The following PIAS1 variants were observed in gnomAD, a reference collection of about 807,000 sequenced individuals.
The protein encoded by PIAS1 is protein inhibitor of activated STAT 1.
A neutral mutation model predicts 71.3 loss-of-function variants in PIAS1; 6 were observed. That is an observed-to-expected ratio of 0.08 (90% CI 0.05 to 0.17). The LOEUF (loss-of-function observed/expected upper bound fraction) is 0.17, where lower values mean the gene tolerates loss of function less well. Ranked by LOEUF, PIAS1 falls within the 10% of genes least tolerant of loss-of-function variation. The probability of loss-of-function intolerance (pLI) is 1.00; values close to 1 mark genes in which losing one functional copy is unlikely to be tolerated. For synonymous variants in PIAS1, 303 were observed against 292.9 expected (o/e 1.03, Z -0.35); for missense variants, 555 against 793.6 (o/e 0.70, Z 3.61).
intron 2 of PIAS1, among the ~76,000 whole-genome samples, chr15:68,127,507 G>C (rs892252056): frequency 1.3e-5 from 2 of 152,124 alleles, no homozygotes; most frequent in African/African-American, 4.8e-5. Flanking sequence ...GCTAGTTGAG[G>C]ATGCGTTTTT....
At chr15:68,063,756 A>G (rs1437862927) in intron 1 of PIAS1, among the ~76,000 whole-genome samples, 1 of 152,176 alleles carries the variant, frequency 6.6e-6, no homozygotes, top group Non-Finnish European at 1.5e-5. Flanking sequence ...AGGGTTCTCC[A>G]GGTCAAAATG....
At chr15:68,155,141 C>A (rs2092878570) in intron 7 of PIAS1, among the ~76,000 whole-genome samples, 1 of 152,110 alleles carries the variant, frequency 6.6e-6, no homozygotes. Flanking sequence ...CCGCTTGTAG[C>A]TATAGCACCA....
intron 6 of PIAS1, among the ~76,000 whole-genome samples, chr15:68,151,705 C>CAA (rs1312036290): frequency 2.0e-4 from 22 of 108,180 alleles, no homozygotes; most frequent in African/African-American, 7.1e-4. Context: ...CACACACACA[C>CAA]ACAAATTAGC....
intron 13 of PIAS1, chr15:68,184,557 G>T (rs1428573646): frequency 6.6e-6 from 1 of 152,214 alleles, no homozygotes; most frequent in African/African-American, 2.4e-5. Context: ...CTAGCTCCGG[G>T]TGGTTTAAAC....
At chr15:68,183,498 A>G in intron 12 of PIAS1, 132 bp from the exon 13 acceptor site, 1 of 581,614 alleles carries the variant, frequency 1.7e-6, no homozygotes, top group Non-Finnish European at 3.2e-6. Flanking sequence ...CGTTTAGCTC[A>G]ACTCTTCATG....
At chr15:68,180,594 G>T (rs995308902) in intron 11 of PIAS1, among the ~76,000 whole-genome samples, 3 of 137,600 alleles carry the variant, frequency 2.2e-5, no homozygotes, top group Non-Finnish European at 3.1e-5. Flanking sequence ...ATTCGTTTTG[G>T]AGTATTTCTT....
rs74020055 is a variant in PIAS1 at position 68,145,126 on chromosome 15, T to C, written c.603-690T>C. Among the ~76,000 whole-genome samples the C allele has an allele frequency of 4.4e-3, 675 of 152,318 alleles. 6 individuals carry two copies. The highest frequency in any genetic ancestry group is 0.015 in the African/African-American group (622 of 41,586). On this transcript the variant is annotated intron_variant, in intron 4 of 13. Transcript: ENST00000249636. ...GAATAGACTGAGAATTTATGAATTA[T>C]GTATCTTTCCTTGATTTTTCCAAAA...
chr15:68,111,816 G>T lies in PIAS1; in HGVS notation c.469+25066G>T, dbSNP rs2092525179. 2.6e-5 allele frequency among the ~76,000 whole-genome samples: 4 copies of T among 152,068 alleles called. No homozygotes were observed. The South Asian group carries it at 8.3e-4, about 31-fold the overall frequency. ...AACTAAGGGGGAATATTTGAAATAT[G>T]ACCATAGTACATATTTTAATATAGA... On this transcript the variant is annotated intron_variant, in intron 2 of 13. Coordinates refer to ENST00000249636, the MANE Select transcript of PIAS1 (RefSeq NM_016166.3).
Position 68,187,248 on chromosome 15 carries a change from C to T in PIAS1, c.1663-294C>T, listed in dbSNP as rs2093093861. Among the ~76,000 whole-genome samples the T allele has an allele frequency of 6.6e-6, 1 of 152,156 alleles. No individual in the cohort carries two copies. Among genetic ancestry groups the T allele is most frequent in the Non-Finnish European group, 1.5e-5 (1 of 68,030 alleles). ...GTCTGCCCCTCCTGCTGCTTCTGAG[C>T]ATATGCTTCTTGGGAAATAGAATTG... On this transcript the variant is annotated intron_variant, in intron 13 of 13. Coordinates refer to ENST00000249636, the MANE Select transcript of PIAS1 (RefSeq NM_016166.3). This position sits in a 1 kb window ranked among gnomAD's most constrained non-coding sequence, Gnocchi z 5.3.
At chr15:68,164,706 T>TTTC in intron 7 of PIAS1, 25 bp from the exon 8 acceptor site, 1 of 1,432,010 alleles carries the variant, frequency 7.0e-7, no homozygotes, top group South Asian at 1.2e-5. Flanking sequence ...GTTTGCTTTT[T>TTTC]TTCTTCTTCT....
intron 2 of PIAS1, among the ~76,000 whole-genome samples, chr15:68,135,121 C>T (rs1317043877): frequency 3.3e-3 from 69 of 20,976 alleles, no homozygotes; most frequent in Non-Finnish European, 6.0e-3. Context: ...CCCTCCCGGA[C>T]GGGGCGGCTG....
chr15:68,165,734 G>C lies in PIAS1; in HGVS notation c.1008+930G>C, dbSNP rs565957120. On this transcript the variant is annotated intron_variant, in intron 8 of 13. Transcript: ENST00000249636. ...TAATCTGATGTTAGGCTCTTTGGTA[G>C]GGGTGGTGGTTGAATATGGCCATAT... 1.1e-4 allele frequency among the ~76,000 whole-genome samples: 16 copies of C among 152,312 alleles called. No homozygotes were observed. The South Asian group carries it at 3.3e-3, about 32-fold the overall frequency.
In PIAS1 at chr15:68,188,401, C is replaced by T. The variant is rs1257893233; in HGVS notation, c.*566C>T. ...TCCCGCTGCATTCCCTGTGTATTTTCAGGACATGGCTCGTGGGTGTGTGTG... is the reference window on the plus strand; with the variant it reads ...TCCCGCTGCATTCCCTGTGTATTTTTAGGACATGGCTCGTGGGTGTGTGTG... On this transcript the variant is annotated 3_prime_UTR_variant, in exon 14 of 14. Transcript: ENST00000249636. 3 of 153,654 alleles carry T rather than the reference C, an allele frequency of 2.0e-5. No individual in the cohort carries two copies. The highest frequency in any genetic ancestry group is 4.3e-5 in the Non-Finnish European group (3 of 69,056). The allele number at this position is 153,654 out of a possible 1,614,324, so 9.5% of individuals were successfully genotyped here.
intron 2 of PIAS1, among the ~76,000 whole-genome samples, chr15:68,110,991 G>A (rs1424272040): frequency 6.6e-6 from 1 of 152,122 alleles, no homozygotes; most frequent in Admixed American, 6.5e-5. Flanking sequence ...CTGGTTGGCT[G>A]TGTGCTTTTT....
In PIAS1 at chr15:68,128,323, C is replaced by T. The variant is rs539410371; in HGVS notation, c.470-13623C>T. ...CTTGGGTTACTGGCGTGTGCCACGA[C>T]GACCAGCTAATTTTTGTACTTTTAG... On this transcript the variant is annotated intron_variant, in intron 2 of 13. Coordinates refer to ENST00000249636, the MANE Select transcript of PIAS1 (RefSeq NM_016166.3). Among the ~76,000 whole-genome samples, 42 of 152,274 alleles carry T rather than the reference C, an allele frequency of 2.8e-4. No homozygotes were observed. The South Asian group carries it at 4.6e-3, about 17-fold the overall frequency.
chr15:68,083,267 T>A (rs1275796065), intron 1 of PIAS1, among the ~76,000 whole-genome samples: 1 of 152,216 alleles, frequency 6.6e-6, no homozygotes, highest in African/African-American at 2.4e-5. Context: ...TCATTGTGAA[T>A]TGACTGCTTT....
intron 2 of PIAS1, among the ~76,000 whole-genome samples, chr15:68,091,167 T>A (rs1265166683): frequency 6.6e-6 from 1 of 152,170 alleles, no homozygotes; most frequent in East Asian, 1.9e-4. Flanking sequence ...GAAATTTACA[T>A]AATTATGAAA....
At chr15:68,181,460 C>T (rs192296511) in intron 12 of PIAS1, 106 bp downstream of exon 12, 17 of 1,099,390 alleles carry the variant, frequency 1.5e-5, no homozygotes, top group African/African-American at 3.1e-5. Flanking sequence ...ACTGAGCCAA[C>T]AGGGCCTTGG....
chr15:68,178,172 A>T lies in PIAS1; in HGVS notation c.1481+1518A>T, dbSNP rs768314501. Among the ~76,000 whole-genome samples, 5 of 152,210 alleles carry T rather than the reference A, an allele frequency of 3.3e-5. No individual in the cohort carries two copies. The highest frequency in any genetic ancestry group is 7.3e-5 in the Non-Finnish European group (5 of 68,030). On this transcript the variant is annotated intron_variant, in intron 11 of 13. Coordinates refer to ENST00000249636, the MANE Select transcript of PIAS1 (RefSeq NM_016166.3). This position sits in a 1 kb window ranked among gnomAD's most constrained non-coding sequence, Gnocchi z 4.2. ...GTTGTCCCAACTACTCGGAGGGCTG[A>T]TGGGGGAGGATCACTTGAACCTGGG...
Sources: gnomAD v4.1 joint callset for allele counts (sites outside exome capture counted in the v4.1 genomes callset) on GRCh38, gnomAD v4.1.1 for gene constraint, Gnocchi (gnomAD v3.1) non-coding constraint, MANE v1.5 for transcripts, NCBI Gene and HGNC (gene_info 2026-07-23, HGNC 2026-07-21) for gene names.